Variants in IL18 observed in about 807,000 individuals in gnomAD.
IL18 encodes the protein interleukin-18.
IL18 carries 8 observed loss-of-function variants against 14.2 expected under a neutral mutation model. The ratio of observed to expected loss-of-function variants is 0.56; its 90% CI spans 0.33 to 1.01. IL18 has a LOEUF of 1.01. Among genes scored for constraint, IL18 ranks in the 50% least tolerant of loss-of-function variants. The pLI, the probability that IL18 is intolerant of heterozygous loss-of-function variation, is 0.03. For missense variants in IL18, 166 were observed against 231.1 expected, an observed-to-expected ratio of 0.72 and a Z score of 1.83; for synonymous variants, 67 against 71.0, an observed-to-expected ratio of 0.94 and a Z score of 0.28.
intron 1 of IL18, among the ~76,000 whole-genome samples, chr11:112,156,462 A>T (rs981714071): frequency 7.9e-5 from 12 of 151,224 alleles, no homozygotes; most frequent in Non-Finnish European, 8.8e-5. Context: ...ATGGAGTCTC[A>T]CTCTGTCACC....
chr11:112,152,316 C>T (rs936522593), intron 3 of IL18, among the ~76,000 whole-genome samples: 3 of 152,122 alleles, frequency 2.0e-5, no homozygotes, highest in Non-Finnish European at 4.4e-5. Context: ...TTTCTAAAAT[C>T]CATTCACAGC....
chr11:112,149,603 G>A (rs1445022839), intron 4 of IL18, among the ~76,000 whole-genome samples: 2 of 113,170 alleles, frequency 1.8e-5, no homozygotes, highest in Non-Finnish European at 3.4e-5. Flanking sequence ...GACAAGGTCT[G>A]TATATCACCC....
Position 112,143,768 on chromosome 11 carries a change from A to G in IL18, c.410T>C (p.Phe137Ser), listed in dbSNP as rs781094787. Residue 137 changes from phenylalanine (F) to serine (S), a missense_variant, in exon 6 of 6, where the codon TTC (phenylalanine) becomes TCC (serine). Transcript: ENST00000280357. ...ATGTCCTGGGACACTTCTCTGAAAG[A>G]ATATGATGTCACTTTTTGTATCCTT... is the stretch of plus-strand genomic sequence containing the variant. Reference protein sequence around the residue: ...NIKDTKSDIIFFQRSVPGHDN... With the variant: ...NIKDTKSDIISFQRSVPGHDN... The G allele has an allele frequency of 6.2e-7, 1 of 1,612,744 alleles. No individual in the cohort carries two copies. The highest frequency in any genetic ancestry group is 8.5e-7 in the Non-Finnish European group (1 of 1,179,020).
intron 2 of IL18, 114 bp downstream of exon 2, chr11:112,154,861 A>G: frequency 3.1e-6 from 2 of 647,478 alleles, no homozygotes. Flanking sequence ...AGCCATTAAT[A>G]TTACAGTGAA....
chr11:112,157,883 G>A (rs1364458967), intron 1 of IL18, among the ~76,000 whole-genome samples: 1 of 152,180 alleles, frequency 6.6e-6, no homozygotes, highest in African/African-American at 2.4e-5. Context: ...TGGATACAGA[G>A]TTTCGCTCTT....
At chr11:112,146,434 C>T (rs1866344316) in intron 5 of IL18, among the ~76,000 whole-genome samples, 2 of 152,178 alleles carry the variant, frequency 1.3e-5, no homozygotes, top group Admixed American at 6.5e-5. Flanking sequence ...GATTCTTCTG[C>T]CTCAGGCTCA....
intron 4 of IL18, among the ~76,000 whole-genome samples, 193 bp downstream of exon 4, chr11:112,149,879 T>A (rs1200455042): frequency 6.6e-6 from 1 of 152,144 alleles, no homozygotes; most frequent in Non-Finnish European, 1.5e-5. Flanking sequence ...CCCCTAGCAA[T>A]GTCTTATTGT....
intron 5 of IL18, among the ~76,000 whole-genome samples, chr11:112,147,606 C>T (rs1489324736): frequency 6.6e-6 from 1 of 152,190 alleles, no homozygotes; most frequent in Non-Finnish European, 1.5e-5. Context: ...GAAGGGGTGG[C>T]ACTCTGGTTG....
chr11:112,143,936 A>G (rs1048717233), intron 5 of IL18, 119 bp from the exon 6 acceptor site: 11 of 660,232 alleles, frequency 1.7e-5, no homozygotes, highest in Non-Finnish European at 2.8e-5. Flanking sequence ...CAAGAGTTAC[A>G]TAAAAAAAAT....
intron 3 of IL18, 70 bp downstream of exon 3, chr11:112,153,522 A>G (rs373630991): frequency 1.1e-4 from 113 of 1,074,936 alleles, no homozygotes; most frequent in Non-Finnish European, 1.5e-4. Flanking sequence ...CTCAGCTGAC[A>G]ATGGTGAGAT....
intron 5 of IL18, among the ~76,000 whole-genome samples, chr11:112,145,781 A>G (rs559099759): frequency 4.0e-4 from 61 of 152,280 alleles, no homozygotes; most frequent in African/African-American, 1.4e-3. Context: ...AGAAAGTTAC[A>G]GTTGAAAGCG....
At chr11:112,148,383 C>T (rs1170723361) in intron 5 of IL18, among the ~76,000 whole-genome samples, 1 of 152,092 alleles carries the variant, frequency 6.6e-6, no homozygotes, top group Non-Finnish European at 1.5e-5. Context: ...CTCAGAAAAA[C>T]CATCATTATC....
chr11:112,146,256 G>T (rs541560304), intron 5 of IL18, among the ~76,000 whole-genome samples: 1 of 152,066 alleles, frequency 6.6e-6, no homozygotes, highest in Non-Finnish European at 1.5e-5. Context: ...CTTGACCAAA[G>T]AACTTTATAG....
intron 5 of IL18, among the ~76,000 whole-genome samples, chr11:112,146,223 T>A (rs1866340696): frequency 6.6e-6 from 1 of 151,930 alleles, no homozygotes; most frequent in Non-Finnish European, 1.5e-5. Flanking sequence ...TCAAAGCAAA[T>A]CCCTCTTAGT....
chr11:112,150,156 T>C lies in IL18; in HGVS notation c.142A>G (p.Ile48Val). The change falls in exon 4 of 6, where the codon ATA becomes GTA. Residue 48 changes from isoleucine (I) to valine (V), a missense_variant. By Grantham distance (29) the Ile-to-Val change is conservative. Transcript: ENST00000280357. ...AGAACTTGGTCATTCAAATTTCTTA[T>C]GACTGATAATTTAGATTCAAGCTTG... ...FGKLESKLSVIRNLNDQVLFI... is the reference protein window; with the variant it reads ...FGKLESKLSVVRNLNDQVLFI... The C allele has an allele frequency of 6.2e-7, 1 of 1,600,254 alleles. No homozygotes were observed. The highest frequency in any genetic ancestry group is 8.6e-7 in the Non-Finnish European group (1 of 1,168,104).
chr11:112,156,550 TC>T (rs1231085078), intron 1 of IL18, among the ~76,000 whole-genome samples: 1 of 151,950 alleles, frequency 6.6e-6, no homozygotes, highest in African/African-American at 2.4e-5. Context: ...CAAGCGATTC[TC>T]CCATCTTAGC....
intron 1 of IL18, 41 bp from the exon 2 acceptor site, chr11:112,155,102 G>A (rs764661045): frequency 4.6e-6 from 6 of 1,297,438 alleles, no homozygotes; most frequent in South Asian, 3.6e-5. Context: ...GACAATGATT[G>A]TACCTTTTAC....
chr11:112,148,702 C>T lies in IL18; in HGVS notation c.261G>A (p.Met87Ile). 2.7e-6 allele frequency: 4 copies of T among 1,497,472 alleles called. No homozygotes were observed. The highest frequency in any genetic ancestry group is 3.6e-6 in the Non-Finnish European group (4 of 1,114,836). 92.8% of individuals were successfully genotyped at this position (1,497,472 alleles called of 1,614,324 possible). Residue 87 changes from methionine (M) to isoleucine (I), a missense_variant, in exon 5 of 6, where the codon ATG (methionine) becomes ATA (isoleucine). Physicochemically the swap from Met to Ile is conservative, Grantham distance 10. Transcript: ENST00000280357. The stretch of plus-strand genomic sequence containing the variant: ...TACCTCTAGGCTGGCTATCTTTATA[C>T]ATACTTATAATAAATATGGTCCGGG... ...NAPRTIFIIS[M>I]YKDSQPRGMA...
rs148188574 is a variant in IL18, at chr11:112,162,830, T to C, written c.-9+1076A>G. On this transcript the variant is annotated intron_variant, in intron 1 of 5. Transcript: ENST00000280357. ...GTTTGTTTGTTTTTTTGTTTGTTTT[T>C]TTGAGAAAGTCTCGCTCTGTTTAGT... Among the ~76,000 whole-genome samples the C allele has an allele frequency of 8.7e-3, 1,331 of 152,346 alleles. 16 individuals carry two copies. The highest frequency in any genetic ancestry group is 0.027 in the Middle Eastern group (8 of 294).
Sources: allele counts gnomAD v4.1 joint callset (sites outside exome capture counted in the v4.1 genomes callset), GRCh38; gene constraint gnomAD v4.1.1; transcripts MANE v1.5; gene names NCBI Gene and HGNC (gene_info 2026-07-23, HGNC 2026-07-21).